The following ACAD11 variants were observed in gnomAD, a reference collection of about 807,000 sequenced individuals.
The protein encoded by ACAD11 is acyl-Coenzyme A dehydrogenase family, member 11.
In ACAD11, 83 loss-of-function variants were observed where a neutral mutation model predicts 102.2. The ratio of observed to expected loss-of-function variants is 0.81; its 90% confidence interval spans 0.68 to 0.97. The LOEUF is 0.97. Ranked by LOEUF, ACAD11 falls within the 50% of genes least tolerant of loss-of-function variation. The pLI, the probability that ACAD11 is intolerant of heterozygous loss-of-function variation, is 0.00. For missense variants in ACAD11, 901 were observed against 951.7 expected (o/e 0.95, Z 0.70); for synonymous variants, 324 against 319.8 (o/e 1.01, Z -0.14).
At chr3:132,581,272 G>A (rs942300871) in intron 13 of ACAD11, among the ~76,000 whole-genome samples, 6 of 151,998 alleles carry the variant, frequency 3.9e-5, no homozygotes, top group Non-Finnish European at 8.8e-5. Context: ...ATCAATTTAT[G>A]TAATGGAAGA....
At chr3:132,615,228 G>T (rs1939357448) in intron 11 of ACAD11, among the ~76,000 whole-genome samples, 2 of 152,164 alleles carry the variant, frequency 1.3e-5, no homozygotes, top group Non-Finnish European at 1.5e-5. Context: ...CTGTTGGTGG[G>T]AGTGTAAATT....
At chr3:132,612,328 G>A (rs1215318237) in intron 11 of ACAD11, among the ~76,000 whole-genome samples, 1 of 152,036 alleles carries the variant, frequency 6.6e-6, no homozygotes, top group Non-Finnish European at 1.5e-5. Context: ...AGGACTTCAT[G>A]TCTAAAACAT....
intron 11 of ACAD11, among the ~76,000 whole-genome samples, chr3:132,612,213 C>G (rs1028631105): frequency 2.6e-5 from 4 of 151,952 alleles, no homozygotes; most frequent in Non-Finnish European, 4.4e-5. Flanking sequence ...ACACCTTATA[C>G]AAAAATTAAT....
At chr3:132,625,724 C>T (rs2107857675) in intron 9 of ACAD11, among the ~76,000 whole-genome samples, 1 of 152,304 alleles carries the variant, frequency 6.6e-6, no homozygotes, top group African/African-American at 2.4e-5. Flanking sequence ...CCTACAAACA[C>T]ATATCAGCTC....
intron 1 of ACAD11, 142 bp downstream of exon 1, chr3:132,659,461 A>C: frequency 8.5e-7 from 1 of 1,179,632 alleles, no homozygotes; most frequent in South Asian, 1.6e-5. Flanking sequence ...CGGCAATAGC[A>C]GCTCATGCCT....
In ACAD11 at chr3:132,641,729, GAAA is replaced by G. The variant is rs1940531051; in HGVS notation, c.537+240_537+242del. On this transcript the variant is annotated intron_variant, in intron 4 of 19. Transcript: ENST00000264990. ...AGAAGAAGAAGAAGAAGAAGAAGAA[GAAA>G]AAACTGTATAGTTAAAAGTATTGGA... 5.4e-5 allele frequency among the ~76,000 whole-genome samples: 8 copies of G among 148,984 alleles called. No individual in the cohort carries two copies. In the East Asian group the frequency reaches 6.1e-4, roughly 11 times the overall value.
At chr3:132,567,797 CA>C (rs1197460503) in intron 17 of ACAD11, among the ~76,000 whole-genome samples, 1 of 152,082 alleles carries the variant, frequency 6.6e-6, no homozygotes, top group African/African-American at 2.4e-5. Context: ...TCCCCTAAGA[CA>C]GAGAACAAGA....
chr3:132,649,786 C>A (rs949012302), intron 1 of ACAD11: 1 of 152,162 alleles, frequency 6.6e-6, no homozygotes, highest in East Asian at 1.9e-4. Context: ...GGGGCTGGCC[C>A]CCTTCAGGTT....
At chr3:132,606,515 CTT>C (rs1299053045) in intron 11 of ACAD11, among the ~76,000 whole-genome samples, 1 of 152,058 alleles carries the variant, frequency 6.6e-6, no homozygotes, top group African/African-American at 2.4e-5. Context: ...GAAAAAAAAA[CTT>C]GGATAAACTA....
At chr3:132,620,950 A>C in intron 9 of ACAD11, among the ~76,000 whole-genome samples, 1 of 152,216 alleles carries the variant, frequency 6.6e-6, no homozygotes, top group East Asian at 1.9e-4. Context: ...CAGCTGAAAA[A>C]ACAAATCATA....
chr3:132,646,116 AC>A (rs1416560120), intron 1 of ACAD11, among the ~76,000 whole-genome samples: 4 of 151,896 alleles, frequency 2.6e-5, no homozygotes, highest in Non-Finnish European at 5.9e-5. Flanking sequence ...AGCTGGGACT[AC>A]AGGCGCCCGC....
chr3:132,654,116 C>A (rs1382100842), intron 1 of ACAD11, among the ~76,000 whole-genome samples: 1 of 152,288 alleles, frequency 6.6e-6, no homozygotes, highest in Admixed American at 6.5e-5. Context: ...TAACCCTATT[C>A]TTTCAGTTAC....
At chr3:132,591,525 C>A (rs189718639) in intron 13 of ACAD11, among the ~76,000 whole-genome samples, 1 of 152,058 alleles carries the variant, frequency 6.6e-6, no homozygotes, top group Non-Finnish European at 1.5e-5. Context: ...CCCTCTTTTT[C>A]GAATATTCAG....
At chr3:132,630,616 AATGTT>A (rs1940001162) in intron 6 of ACAD11, 58 bp from the exon 7 acceptor site, 22 of 1,498,710 alleles carry the variant, frequency 1.5e-5, no homozygotes, top group Non-Finnish European at 2.0e-5. Flanking sequence ...AATATTTCAA[AATGTT>A]ATGAGACTGA....
chr3:132,610,638 T>G (rs1157611135), intron 11 of ACAD11, among the ~76,000 whole-genome samples: 1 of 152,090 alleles, frequency 6.6e-6, no homozygotes, highest in Non-Finnish European at 1.5e-5. Flanking sequence ...ATGGATAAAT[T>G]CCTAGACACA....
At chr3:132,576,044 G>GA (rs1475611010) in intron 16 of ACAD11, 118 bp from the exon 17 acceptor site, 3 of 1,187,660 alleles carry the variant, frequency 2.5e-6, no homozygotes, top group East Asian at 2.5e-5. Flanking sequence ...GCTTTCTAGT[G>GA]AAAAAAAGTC....
intron 12 of ACAD11, among the ~76,000 whole-genome samples, chr3:132,603,641 T>C (rs1938712925): frequency 6.6e-6 from 1 of 152,232 alleles, no homozygotes; most frequent in Non-Finnish European, 1.5e-5. Context: ...AAAAGTATTG[T>C]TTTCTACTTC....
chr3:132,601,915 G>GT (rs1938621943), intron 13 of ACAD11: 2 of 180,462 alleles, frequency 1.1e-5, no homozygotes, highest in African/African-American at 4.9e-5. Context: ...TACCATCTTT[G>GT]TAACTTCCTG....
rs113894505 is a variant in ACAD11 at position 132,596,614 on chromosome 3, G to A, written c.1621+6615C>T. The stretch of plus-strand genomic sequence containing the variant: ...TCTCTTCTTTCTCTAACTTACTTGT[G>A]TGGAAATGTGGAAAAAATAAACAGC... On this transcript the variant is annotated intron_variant, in intron 13 of 19. Transcript: ENST00000264990. 7.1e-3 allele frequency among the ~76,000 whole-genome samples: 1,085 copies of A among 152,144 alleles called. 5 individuals are homozygous for A. Among genetic ancestry groups the A allele is most frequent in the Non-Finnish European group, 0.012 (835 of 67,992 alleles).
Sources: allele counts gnomAD v4.1 joint callset (sites outside exome capture counted in the v4.1 genomes callset), GRCh38; gene constraint gnomAD v4.1.1; transcripts MANE v1.5; gene names NCBI Gene and HGNC (gene_info 2026-07-23, HGNC 2026-07-21).